Variants in LRMDA observed in about 807,000 individuals in gnomAD.
LRMDA encodes the protein leucine rich melanocyte differentiation associated.
In LRMDA, 18 loss-of-function variants were observed where a neutral mutation model predicts 29.8. The ratio of observed to expected loss-of-function variants is 0.60; its 90% confidence interval spans 0.42 to 0.90. The LOEUF (loss-of-function observed/expected upper bound fraction) is 0.90, where lower values mean the gene tolerates loss of function less well. LRMDA is among the 40% of genes least tolerant of loss of function. The pLI is 0.00. For synonymous variants in LRMDA, 125 were observed against 109.4 expected (o/e 1.14, Z -0.89); for missense variants, 273 against 273.9 (o/e 1.00, Z 0.02).
At chr10:75,691,052 G>GATATATATCTGCCATAGATATATAGATCT in intron 2 of LRMDA, among the ~76,000 whole-genome samples, 2 of 129,596 alleles carry the variant, frequency 1.5e-5, no homozygotes, top group African/African-American at 5.7e-5. Context: ...AGATGTGGCA[G>GATATATATCTGCCATAGATATATAGATCT]ATATATATCT....
chr10:75,884,411 C>T (rs1257614418), intron 2 of LRMDA, among the ~76,000 whole-genome samples: 3 of 152,070 alleles, frequency 2.0e-5, no homozygotes, highest in Non-Finnish European at 4.4e-5. Context: ...CTCAGGGCTG[C>T]TGGAGGTTGG....
At chr10:75,751,772 C>T (rs1005766947) in intron 2 of LRMDA, among the ~76,000 whole-genome samples, 1 of 151,792 alleles carries the variant, frequency 6.6e-6, no homozygotes, top group African/African-American at 2.4e-5. Flanking sequence ...TACACGGCTC[C>T]TCTCATTAAT....
rs1849992386 is a variant in LRMDA, at chr10:76,131,536, A to T, written c.516+72753A>T. ...GAAATATTTAAGATCTTTGATGCATATTGCAAAATTGCCTTTTAGGCAATA... is the reference window on the plus strand; with the variant it reads ...GAAATATTTAAGATCTTTGATGCATTTTGCAAAATTGCCTTTTAGGCAATA... On this transcript the variant is annotated intron_variant, in intron 5 of 6. Coordinates refer to ENST00000611255, the MANE Select transcript of LRMDA (RefSeq NM_001305581.2). Among the ~76,000 whole-genome samples the T allele has an allele frequency of 2.0e-5, 3 of 152,156 alleles. No homozygotes were observed. The South Asian group carries it at 6.2e-4, about 32-fold the overall frequency.
At chr10:75,771,776 G>C (rs1423861936) in intron 2 of LRMDA, among the ~76,000 whole-genome samples, 2 of 152,098 alleles carry the variant, frequency 1.3e-5, no homozygotes, top group Non-Finnish European at 2.9e-5. Context: ...GAGGTGGGGG[G>C]GTTTTGTGAA....
chr10:75,974,075 A>G (rs1460453833), intron 2 of LRMDA, among the ~76,000 whole-genome samples: 1 of 152,182 alleles, frequency 6.6e-6, no homozygotes, highest in Non-Finnish European at 1.5e-5. Context: ...TTTCACTTTT[A>G]AAGGGGCCAG....
rs182452325 is a variant in LRMDA, at chr10:75,630,436, A to G, written c.131+191942A>G. 2.2e-3 allele frequency among the ~76,000 whole-genome samples: 332 copies of G among 152,350 alleles called. 4 individuals are homozygous for G. The highest frequency in any genetic ancestry group is 7.8e-3 in the African/African-American group (325 of 41,584). On this transcript the variant is annotated intron_variant, in intron 2 of 6. Transcript: ENST00000611255. ...TTGAGTTTCTGGCAAGCAAGCAAGCATAATATAAATGTCTGTCTTGCAGTT... is the reference window on the plus strand; with the variant it reads ...TTGAGTTTCTGGCAAGCAAGCAAGCGTAATATAAATGTCTGTCTTGCAGTT...
At chr10:76,440,090 G>A (rs1287551729) in intron 6 of LRMDA, among the ~76,000 whole-genome samples, 3 of 152,128 alleles carry the variant, frequency 2.0e-5, no homozygotes, top group South Asian at 2.1e-4. Flanking sequence ...TACATAGATC[G>A]TTAAGTTAAA....
At chr10:75,684,589 A>G (rs1418532147) in intron 2 of LRMDA, among the ~76,000 whole-genome samples, 6 of 152,222 alleles carry the variant, frequency 3.9e-5, no homozygotes, top group Non-Finnish European at 7.3e-5. Flanking sequence ...AGGAGGCAGT[A>G]GCTTAATGAA....
At chr10:76,179,284 T>C (rs1179540239) in intron 5 of LRMDA, among the ~76,000 whole-genome samples, 1 of 152,044 alleles carries the variant, frequency 6.6e-6, no homozygotes, top group Non-Finnish European at 1.5e-5. Context: ...TTCTCTGCTC[T>C]CCCCACCTTG....
At chr10:76,459,219 A>T (rs1842488217) in intron 6 of LRMDA, among the ~76,000 whole-genome samples, 1 of 152,206 alleles carries the variant, frequency 6.6e-6, no homozygotes, top group South Asian at 2.1e-4. Flanking sequence ...GATTTTCCAA[A>T]GGAACTGTAA....
intron 5 of LRMDA, among the ~76,000 whole-genome samples, chr10:76,151,360 C>A: frequency 6.6e-6 from 1 of 152,206 alleles, no homozygotes; most frequent in East Asian, 1.9e-4. Flanking sequence ...GTTGCCTAAG[C>A]CCACAGCCAT....
intron 2 of LRMDA, among the ~76,000 whole-genome samples, chr10:75,554,740 A>G (rs1365747121): frequency 1.3e-5 from 2 of 152,158 alleles, no homozygotes; most frequent in Non-Finnish European, 2.9e-5. Flanking sequence ...TGGCTGTACT[A>G]TTTTCTAGAA....
At chr10:75,946,648 C>A (rs1370601150) in intron 2 of LRMDA, among the ~76,000 whole-genome samples, 11 of 152,154 alleles carry the variant, frequency 7.2e-5, no homozygotes, top group African/African-American at 2.7e-4. Flanking sequence ...TACAAGTAGG[C>A]AAATGGAAAC....
chr10:76,016,985 C>A (rs1847889640), intron 2 of LRMDA, among the ~76,000 whole-genome samples: 1 of 151,616 alleles, frequency 6.6e-6, no homozygotes, highest in African/African-American at 2.4e-5. Flanking sequence ...TTGTGATCTT[C>A]TTCCAAATTC....
chr10:75,727,582 A>G, intron 2 of LRMDA, among the ~76,000 whole-genome samples: 1 of 152,332 alleles, frequency 6.6e-6, no homozygotes, highest in East Asian at 1.9e-4. Context: ...TATATTTTAC[A>G]GATGCTTATT....
chr10:75,459,607 TA>T (rs1844560849), intron 2 of LRMDA, among the ~76,000 whole-genome samples: 4 of 152,226 alleles, frequency 2.6e-5, no homozygotes, highest in Admixed American at 2.6e-4. Context: ...CAAATATATA[TA>T]TTTTTTAAGC....
intron 2 of LRMDA, among the ~76,000 whole-genome samples, chr10:75,493,627 G>C (rs1360108240): frequency 1.3e-5 from 2 of 152,058 alleles, no homozygotes; most frequent in Non-Finnish European, 2.9e-5. Flanking sequence ...TTAAAATTTG[G>C]CACCTCCTGG....
In LRMDA at chr10:75,993,256, T is replaced by C. The variant is rs562628556; in HGVS notation, c.132-42752T>C. Among the ~76,000 whole-genome samples, 152 of 152,272 alleles carry C rather than the reference T, an allele frequency of 1.0e-3. 1 individual carries two copies. The highest frequency in any genetic ancestry group is 3.4e-3 in the African/African-American group (143 of 41,556). On this transcript the variant is annotated intron_variant, in intron 2 of 6. Transcript: ENST00000611255. ...GAAAGGGGTCCCAGAAGGATTTCACTTCTCCCCAAGATAGCAATGAGAATT... is the reference window on the plus strand; with the variant it reads ...GAAAGGGGTCCCAGAAGGATTTCACCTCTCCCCAAGATAGCAATGAGAATT...
intron 2 of LRMDA, among the ~76,000 whole-genome samples, chr10:75,861,973 C>T (rs1192775754): frequency 6.6e-6 from 1 of 152,124 alleles, no homozygotes; most frequent in East Asian, 1.9e-4. Flanking sequence ...CAGCTATCCC[C>T]CCCAAGATTC....
Sources: gnomAD v4.1 joint callset for allele counts (sites outside exome capture counted in the v4.1 genomes callset) on GRCh38, gnomAD v4.1.1 for gene constraint, MANE v1.5 for transcripts, NCBI Gene and HGNC (gene_info 2026-07-23, HGNC 2026-07-21) for gene names.